CCSER2: variants seen among roughly 807,000 people sequenced by gnomAD.
The protein encoded by CCSER2 is serine-rich coiled-coil domain-containing protein 2.
Under a neutral mutation model 92.3 loss-of-function variants are expected in CCSER2, and 46 were observed. The observed-to-expected ratio is 0.50, with a 90% CI of 0.39 to 0.64. The LOEUF is 0.64. Among genes scored for constraint, CCSER2 ranks in the 30% least tolerant of loss-of-function variants. CCSER2 has a pLI of 0.00. For missense variants in CCSER2, 1,244 were observed against 1,238.9 expected (o/e 1.00, Z -0.06); for synonymous variants, 433 against 431.4 (o/e 1.00, Z -0.04).
At chr10:84,399,224 C>G (rs1841992383) in intron 3 of CCSER2, among the ~76,000 whole-genome samples, 2 of 152,148 alleles carry the variant, frequency 1.3e-5, no homozygotes, top group African/African-American at 4.8e-5. Flanking sequence ...GTCTGTTATT[C>G]CACTCTGTAT....
At position 84,513,747 on chromosome 10, in the gene CCSER2, A is replaced by G. The variant is rs1406371041; in HGVS notation, c.2624A>G (p.Asn875Ser). The G allele has an allele frequency of 6.0e-5, 92 of 1,537,312 alleles. No individual in the cohort carries two copies. Among genetic ancestry groups the G allele is most frequent in the Non-Finnish European group, 7.8e-5 (90 of 1,146,988 alleles). ...VNAQEPYHLA[N>S]NQISDMQFIP... is the part of the protein sequence containing the mutation. Reference sequence around the variant, plus strand: ...GCTCAAGAGCCTTATCATTTGGCAAACAATCAAATTAGTGACATGCAGTTT... The same window carrying G: ...GCTCAAGAGCCTTATCATTTGGCAAGCAATCAAATTAGTGACATGCAGTTT... Residue 875 changes from asparagine (N) to serine (S), a missense_variant, in exon 10 of 10, where the codon AAC (asparagine) becomes AGC (serine). Asn to Ser is a conservative substitution (Grantham distance 46). Transcript: ENST00000372088.
intron 1 of CCSER2, among the ~76,000 whole-genome samples, chr10:84,351,310 A>G (rs1252277212): frequency 6.6e-6 from 1 of 151,896 alleles, no homozygotes; most frequent in East Asian, 1.9e-4. Flanking sequence ...GTGTGATCTC[A>G]GATCACTACC....
intron 7 of CCSER2, among the ~76,000 whole-genome samples, chr10:84,465,175 GA>G (rs34331655): frequency 0.22 from 31,061 of 139,866 alleles, 3,563 homozygotes; most frequent in Admixed American, 0.35. Flanking sequence ...TCCCAGTTTA[GA>G]AAAAAAAAAA....
intron 9 of CCSER2, among the ~76,000 whole-genome samples, chr10:84,491,649 T>C (rs1445268030): frequency 6.6e-6 from 1 of 152,126 alleles, no homozygotes; most frequent in African/African-American, 2.4e-5. Flanking sequence ...ACCCCTTCCC[T>C]TGGCTAAGAA....
At chr10:84,416,856 A>G (rs1414016747) in intron 3 of CCSER2, among the ~76,000 whole-genome samples, 3 of 152,092 alleles carry the variant, frequency 2.0e-5, no homozygotes, top group Non-Finnish European at 4.4e-5. Flanking sequence ...GCGTGAACCC[A>G]GGAGGCGGAG....
At chr10:84,405,219 G>T (rs1842318368) in intron 3 of CCSER2, among the ~76,000 whole-genome samples, 1 of 152,190 alleles carries the variant, frequency 6.6e-6, no homozygotes, top group African/African-American at 2.4e-5. Flanking sequence ...AAGAAACTCA[G>T]TGGAGAAATC....
chr10:84,336,586 C>T (rs1188208981), intron 1 of CCSER2, among the ~76,000 whole-genome samples: 1 of 152,170 alleles, frequency 6.6e-6, no homozygotes, highest in Non-Finnish European at 1.5e-5. Context: ...GTGGCTGAAG[C>T]TTGCTTGACC....
At chr10:84,495,801 G>T (rs1410854386) in intron 9 of CCSER2, among the ~76,000 whole-genome samples, 1 of 145,518 alleles carries the variant, frequency 6.9e-6, no homozygotes, top group South Asian at 2.2e-4. Flanking sequence ...GTGGTATATC[G>T]TTTTCATCTT....
intron 9 of CCSER2, among the ~76,000 whole-genome samples, chr10:84,498,871 C>A (rs1025025252): frequency 3.3e-5 from 5 of 152,002 alleles, no homozygotes; most frequent in African/African-American, 1.2e-4. Flanking sequence ...CAGTTACTTT[C>A]TTGAAAAAAG....
At chr10:84,382,264 A>C (rs910202959) in intron 3 of CCSER2, among the ~76,000 whole-genome samples, 14 of 151,972 alleles carry the variant, frequency 9.2e-5, no homozygotes, top group African/African-American at 2.7e-4. Flanking sequence ...TTTGTTCCTC[A>C]TCTTTTATAT....
In CCSER2 at chr10:84,517,474, T is replaced by C. The variant is rs765376683; in HGVS notation, c.*3207T>C. On this transcript the variant is annotated 3_prime_UTR_variant, in exon 10 of 10. Transcript: ENST00000372088. ...TTGTATTTATATATATATTAGAATTTACTAAGTACTTTAACAAGTAAAAAT... is the reference window on the plus strand; with the variant it reads ...TTGTATTTATATATATATTAGAATTCACTAAGTACTTTAACAAGTAAAAAT... The C allele has an allele frequency of 5.9e-5, 9 of 152,672 alleles. No homozygotes were observed. The highest frequency in any genetic ancestry group is 1.2e-4 in the Non-Finnish European group (8 of 68,042). The allele number at this position is 152,672 out of a possible 1,614,324, so 9.5% of individuals were successfully genotyped here.
chr10:84,517,721 C>T lies in CCSER2; in HGVS notation c.*3454C>T, dbSNP rs1314028830. 2 of 152,520 alleles carry T rather than the reference C, an allele frequency of 1.3e-5. No individual in the cohort carries two copies. Among genetic ancestry groups the T allele is most frequent in the Non-Finnish European group, 2.9e-5 (2 of 68,026 alleles). The allele number at this position is 152,520 out of a possible 1,614,324, so 9.4% of individuals were successfully genotyped here. A position where few individuals can be genotyped will look rare whatever the true frequency, so the allele number is the denominator to read the frequency against. On this transcript the variant is annotated 3_prime_UTR_variant, in exon 10 of 10. Transcript: ENST00000372088. The stretch of plus-strand genomic sequence containing the variant: ...GTTTTCTTTGAATGTTCCATTGTTC[C>T]GATAAGTATTTTACTTTTTTCTCAG...
chr10:84,474,859 CCCT>C (rs755441642), intron 8 of CCSER2, among the ~76,000 whole-genome samples: 2 of 151,986 alleles, frequency 1.3e-5, no homozygotes, highest in Non-Finnish European at 2.9e-5. Flanking sequence ...GAGTAAAAGT[CCCT>C]AACTAAAAGT....
intron 6 of CCSER2, among the ~76,000 whole-genome samples, chr10:84,443,715 C>G (rs1844727956): frequency 6.6e-6 from 1 of 152,128 alleles, no homozygotes; most frequent in Admixed American, 6.5e-5. Context: ...CAGCACTGTT[C>G]ACAATAGCAA....
chr10:84,334,921 A>T (rs1448741662), intron 1 of CCSER2, among the ~76,000 whole-genome samples: 2 of 152,140 alleles, frequency 1.3e-5, no homozygotes, highest in African/African-American at 2.4e-5. Context: ...ACAGTGGGAA[A>T]GGGAAAAGAG....
chr10:84,491,456 A>C (rs1848160532), intron 9 of CCSER2, among the ~76,000 whole-genome samples: 1 of 152,230 alleles, frequency 6.6e-6, no homozygotes, highest in African/African-American at 2.4e-5. Flanking sequence ...CCCCTCCCCC[A>C]GCCTTGCTGC....
intron 1 of CCSER2, among the ~76,000 whole-genome samples, chr10:84,348,351 CTG>C (rs1467180835): frequency 6.6e-6 from 1 of 152,188 alleles, no homozygotes; most frequent in East Asian, 1.9e-4. Context: ...ACTCGGCAGG[CTG>C]AGGCAGGAGA....
Position 84,482,303 on chromosome 10 carries a change from G to A in CCSER2, c.2325+4639G>A, listed in dbSNP as rs574508162. 4.6e-5 allele frequency among the ~76,000 whole-genome samples: 7 copies of A among 152,218 alleles called. No homozygotes were observed. In the South Asian group the frequency reaches 8.3e-4, roughly 18 times the overall value. ...CGGATACAATGGTGAAATGAGTAAC[G>A]CGAAAAGAAGAATAACAATATGGAA... On this transcript the variant is annotated intron_variant, in intron 9 of 9. Coordinates refer to ENST00000372088, the MANE Select transcript of CCSER2 (RefSeq NM_001284240.2).
intron 1 of CCSER2, among the ~76,000 whole-genome samples, chr10:84,358,570 T>G (rs1269071511): frequency 6.6e-6 from 1 of 151,112 alleles, no homozygotes; most frequent in Non-Finnish European, 1.5e-5. Flanking sequence ...GAGGCTGCAG[T>G]GAGCTGTGAT....
Sources: allele counts gnomAD v4.1 joint callset (sites outside exome capture counted in the v4.1 genomes callset), GRCh38; gene constraint gnomAD v4.1.1; transcripts MANE v1.5; gene names NCBI Gene and HGNC (gene_info 2026-07-23, HGNC 2026-07-21).